The following ACACB variants were observed in gnomAD, a reference collection of about 807,000 sequenced individuals.
ACACB encodes the protein acetyl-CoA carboxylase beta, also known as acetyl-CoA carboxylase 2.
In ACACB, 209 loss-of-function variants were observed where a neutral mutation model predicts 278.8. The ratio of observed to expected loss-of-function variants is 0.75; its 90% CI spans 0.67 to 0.84. The LOEUF is 0.84. ACACB is among the 40% of genes least tolerant of loss of function. The pLI, the probability that ACACB is intolerant of heterozygous loss-of-function variation, is 0.00. For synonymous variants in ACACB, 1,174 were observed against 1,285.6 expected, an observed-to-expected ratio of 0.91 and a Z score of 1.86; for missense variants, 2,850 against 3,269.0, an observed-to-expected ratio of 0.87 and a Z score of 3.13.
chr12:109,218,662 T>C (rs1565938158), intron 24 of ACACB, among the ~76,000 whole-genome samples: 1 of 151,702 alleles, frequency 6.6e-6, no homozygotes, highest in African/African-American at 2.4e-5. Context: ...ATTTTTTTTT[T>C]TTTTTTTTTG....
At position 109,259,092 on chromosome 12, in the gene ACACB, C is replaced by G; in HGVS notation, c.6480C>G (p.Phe2160Leu). ...PLMIFANWRG[F>L]SGGMKDMYDQ... is the part of the protein sequence containing the mutation. ...TGATCTTTGCCAACTGGAGGGGGTT[C>G]TCCGGTGGCATGAAAGGTAAGCCCC... Residue 2160 changes from phenylalanine (F) to leucine (L), a missense_variant, in exon 47 of 53, where the codon TTC becomes TTG. Physicochemically the swap from Phe to Leu is conservative, Grantham distance 22. Coordinates refer to ENST00000338432, the MANE Select transcript of ACACB (RefSeq NM_001093.4). The G allele has an allele frequency of 6.2e-7, 1 of 1,614,090 alleles. No homozygotes were observed. Among genetic ancestry groups the G allele is most frequent in the South Asian group, 1.1e-5 (1 of 91,066 alleles).
rs762779977 is a variant in ACACB, at chr12:109,258,327, T to G, written c.6323T>G (p.Val2108Gly). The G allele has an allele frequency of 2.5e-6, 4 of 1,612,404 alleles. No individual in the cohort carries two copies. Reference sequence around the variant, plus strand: ...GAGACACGGACTGTGGAGGTGGCAGTCCCTGCAGACCCTGCCAACCTGGAT... The same window carrying G: ...GAGACACGGACTGTGGAGGTGGCAGGCCCTGCAGACCCTGCCAACCTGGAT... ...AVETRTVEVA[V>G]PADPANLDSE... Residue 2108 changes from valine (V) to glycine (G), a missense_variant, in exon 46 of 53, where the codon GTC (valine) becomes GGC (glycine). Val to Gly is a moderately radical substitution (Grantham distance 109, BLOSUM62 -3). This residue lies in a region of ACACB where 579 missense variants were observed against 684.6 expected (regional missense o/e 0.85). Coordinates refer to ENST00000338432, the MANE Select transcript of ACACB (RefSeq NM_001093.4).
At chr12:109,251,217 T>G (rs556381479) in intron 41 of ACACB, among the ~76,000 whole-genome samples, 2 of 152,282 alleles carry the variant, frequency 1.3e-5, no homozygotes, top group East Asian at 3.9e-4. Flanking sequence ...TTTCTATCTA[T>G]CAGGAGATTG....
chr12:109,242,239 C>T, intron 36 of ACACB, 198 bp from the exon 37 acceptor site: 3 of 563,270 alleles, frequency 5.3e-6, no homozygotes, highest in Non-Finnish European at 9.4e-6. Flanking sequence ...CATTCCACAG[C>T]CCCTGTTGTC....
Position 109,176,142 on chromosome 12 carries a change from T to C in ACACB, c.1327-11T>C. On this transcript the variant is annotated splice_polypyrimidine_tract_variant and intron_variant, in intron 8 of 52. Transcript: ENST00000338432. ...AACCTCTAAAGAGGTCTGTTTGTCC[T>C]TTGCACCCAGGCAGCAGAAAGAATT... The C allele has an allele frequency of 6.2e-7, 1 of 1,614,098 alleles. No homozygotes were observed. The highest frequency in any genetic ancestry group is 8.5e-7 in the Non-Finnish European group (1 of 1,179,952).
chr12:109,226,914 A>G (rs1012735543), intron 27 of ACACB, among the ~76,000 whole-genome samples: 1 of 152,002 alleles, frequency 6.6e-6, no homozygotes, highest in Non-Finnish European at 1.5e-5. Flanking sequence ...ACACTCTGAA[A>G]TATGAGCAAA....
intron 28 of ACACB, among the ~76,000 whole-genome samples, chr12:109,228,043 A>G (rs557405913): frequency 2.0e-5 from 3 of 151,554 alleles, no homozygotes; most frequent in African/African-American, 7.3e-5. Flanking sequence ...CAAAAAAAAA[A>G]AAAAAAAGAG....
chr12:109,246,643 G>GA (rs936542047), intron 39 of ACACB, among the ~76,000 whole-genome samples, 195 bp downstream of exon 39: 5 of 151,662 alleles, frequency 3.3e-5, no homozygotes, highest in Admixed American at 6.6e-5. Context: ...ATGGTGATGA[G>GA]AAAAAAAAGA....
intron 1 of ACACB, among the ~76,000 whole-genome samples, chr12:109,123,623 G>A (rs371030577): frequency 2.6e-4 from 40 of 151,288 alleles, no homozygotes; most frequent in African/African-American, 9.2e-4. Context: ...AACCTGGGAG[G>A]CAGAGGTTGC....
rs1187668490 is a variant in ACACB, at chr12:109,256,247, A to G, written c.6263+11A>G. On this transcript the variant is annotated intron_variant, in intron 45 of 52. Transcript: ENST00000338432. ...GACAGGACGAGCAAGGTAATCATGAAGACGGGAGCAGGCTGCCCATGTCTG... is the reference window on the plus strand; with the variant it reads ...GACAGGACGAGCAAGGTAATCATGAGGACGGGAGCAGGCTGCCCATGTCTG... 6.2e-7 allele frequency: 1 copy of G among 1,611,650 alleles called. No individual in the cohort carries two copies. Among genetic ancestry groups the G allele is most frequent in the African/African-American group, 1.3e-5 (1 of 74,898 alleles).
At chr12:109,226,424 G>A (rs991240077) in intron 27 of ACACB, among the ~76,000 whole-genome samples, 1 of 152,148 alleles carries the variant, frequency 6.6e-6, no homozygotes, top group Admixed American at 6.5e-5. Flanking sequence ...ACGCGGCCAG[G>A]TACGGTGGCT....
chr12:109,241,014 T>G, intron 35 of ACACB, 64 bp from the exon 36 acceptor site: 1 of 1,518,430 alleles, frequency 6.6e-7, no homozygotes, highest in Non-Finnish European at 9.1e-7. Flanking sequence ...TTAGTATCAG[T>G]GCTATTGCAA....
chr12:109,206,428 C>CAAAAAAAAAAAAAAAAAAAAAAA (rs35315851), intron 19 of ACACB, among the ~76,000 whole-genome samples: 3 of 89,758 alleles, frequency 3.3e-5, no homozygotes, highest in African/African-American at 1.0e-4. Context: ...GCGAGTGTCT[C>CAAAAAAAAAAAAAAAAAAAAAAA]AAAAAAAAAA....
At position 109,210,201 on chromosome 12, in the gene ACACB, A is replaced by ATATATACACACACGTGTG. The variant is rs1565927021; in HGVS notation, c.3249+853_3249+854insACACACACGTGTGTATAT. ...TATATATACACACGTGTGTATATGT[A>ATATATACACACACGTGTG]TATATGTATATATACACACATGTGT... On this transcript the variant is annotated intron_variant, in intron 21 of 52. Transcript: ENST00000338432. 4.8e-3 allele frequency among the ~76,000 whole-genome samples: 65 copies of ATATATACACACACGTGTG among 13,576 alleles called. 7 individuals carry two copies. The highest frequency in any genetic ancestry group is 9.7e-3 in the Admixed American group (10 of 1,026). The allele number at this position is 13,576 out of a possible 152,430, so 8.9% of individuals were successfully genotyped here.
chr12:109,242,689 T>C, intron 37 of ACACB, 97 bp downstream of exon 37: 1 of 1,455,812 alleles, frequency 6.9e-7, no homozygotes, highest in Non-Finnish European at 9.4e-7. Flanking sequence ...AAAGACCTAG[T>C]CTAAAGGACA....
At chr12:109,243,524 G>A (rs1168746015) in intron 37 of ACACB, among the ~76,000 whole-genome samples, 2 of 152,214 alleles carry the variant, frequency 1.3e-5, no homozygotes, top group East Asian at 1.9e-4. Context: ...GCTTGAACCC[G>A]GGAGGTGGAG....
At chr12:109,112,607 C>T (rs1370763809), upstream of ACACB, among the ~76,000 whole-genome samples, 2 of 147,022 alleles carry the variant, frequency 1.4e-5, no homozygotes, top group Non-Finnish European at 3.0e-5. Context: ...GAGGCTGAGG[C>T]AGGAGAATCA....
intron 19 of ACACB, among the ~76,000 whole-genome samples, chr12:109,203,947 G>T (rs916760397): frequency 6.6e-6 from 1 of 151,964 alleles, no homozygotes; most frequent in Non-Finnish European, 1.5e-5. Context: ...TAGTACATCT[G>T]TCCAGTAAAA....
rs201073233 is a variant in ACACB at position 109,265,522 on chromosome 12, G to A, written c.7247G>A (p.Arg2416Gln). Residue 2416 changes from arginine to glutamine, a missense_variant, in exon 52 of 53, where the codon CGA (arginine) becomes CAA (glutamine). Arg to Gln is a conservative substitution (Grantham distance 43). Around this residue, in one of 3 missense-constraint regions of ACACB, gnomAD observed 579 missense variants for 684.6 expected, o/e 0.85. Transcript: ENST00000338432. ...LKHDSVLKTI[R>Q]GLVEENPEVA... ...CACGACTCTGTCCTCAAGACCATCC[G>A]AGGGTGAGTGGCCACCGCACCTGCT... is the stretch of plus-strand genomic sequence containing the variant. 8.1e-6 allele frequency: 13 copies of A among 1,613,244 alleles called. No individual in the cohort carries two copies. The highest frequency in any genetic ancestry group is 5.0e-5 in the Admixed American group (3 of 60,008).
Sources: allele counts gnomAD v4.1 joint callset (sites outside exome capture counted in the v4.1 genomes callset), GRCh38; gene constraint gnomAD v4.1.1; regional missense constraint gnomAD v4.1.1; transcripts MANE v1.5; gene names NCBI Gene and HGNC (gene_info 2026-07-23, HGNC 2026-07-21).